PI4KA: variants seen among roughly 807,000 people sequenced by gnomAD.
The protein encoded by PI4KA is phosphatidylinositol 4-kinase alpha.
PI4KA carries 122 observed loss-of-function variants against 271.4 expected under a neutral mutation model. The ratio of observed to expected loss-of-function variants is 0.45; its 90% CI spans 0.39 to 0.52. The LOEUF is 0.52. Among genes scored for constraint, PI4KA ranks in the 20% least tolerant of loss-of-function variants. The pLI is 0.00. For synonymous variants in PI4KA, 1,041 were observed against 1,078.8 expected (o/e 0.96, Z 0.69); for missense variants, 1,969 against 2,769.1 (o/e 0.71, Z 6.48).
chr22:20,765,109 C>T lies in PI4KA; in HGVS notation c.2565G>A (p.Thr855=), dbSNP rs763705980. 5 of 1,612,470 alleles carry T rather than the reference C, an allele frequency of 3.1e-6. No individual in the cohort carries two copies. Among genetic ancestry groups the T allele is most frequent in the African/African-American group, 1.3e-5 (1 of 74,984 alleles). Residue 855 remains threonine (T), a synonymous_variant, in exon 21 of 55, where the codon ACG becomes ACA. Transcript: ENST00000255882. ...LQYNSAMKND[T]VTPAELSELR... is the part of the protein sequence containing the mutation. Reference sequence around the variant, plus strand: ...AGATGTGAATCCTTACGGGGGTGACCGTGTCATTCTTCATGGCTGAGTTAT... The same window carrying T: ...AGATGTGAATCCTTACGGGGGTGACTGTGTCATTCTTCATGGCTGAGTTAT...
At chr22:20,750,733 G>A (rs149855136) in intron 27 of PI4KA, among the ~76,000 whole-genome samples, 1 of 152,344 alleles carries the variant, frequency 6.6e-6, no homozygotes, top group East Asian at 1.9e-4. Context: ...CCAGAGGTAG[G>A]ACATGACTCA....
Position 20,733,245 on chromosome 22 carries a change from C to T in PI4KA, c.4161-147G>A. 5 of 774,472 alleles carry T rather than the reference C, an allele frequency of 6.5e-6. No individual in the cohort carries two copies. In the South Asian group the frequency reaches 8.4e-5, roughly 13 times the overall value. The allele number at this position is 774,472 out of a possible 1,614,324, so 48.0% of individuals were successfully genotyped here. On this transcript the variant is annotated intron_variant, in intron 35 of 54. Coordinates refer to ENST00000255882, the MANE Select transcript of PI4KA (RefSeq NM_058004.4). ...CCAGTCATTAGCAAGGATGATCTGGCCCATTCCCATGGGAAGGTGTGGTGG... is the reference window on the plus strand; with the variant it reads ...CCAGTCATTAGCAAGGATGATCTGGTCCATTCCCATGGGAAGGTGTGGTGG...
intron 1 of PI4KA, among the ~76,000 whole-genome samples, chr22:20,839,358 T>C (rs557004763): frequency 3.3e-5 from 5 of 152,230 alleles, no homozygotes; most frequent in East Asian, 3.9e-4. Flanking sequence ...TCAAAACACA[T>C]AAACTCTGAG....
chr22:20,826,978 C>T (rs1923506211), intron 3 of PI4KA, among the ~76,000 whole-genome samples: 1 of 152,016 alleles, frequency 6.6e-6, no homozygotes, highest in Admixed American at 6.6e-5. Context: ...TATTTTCTTT[C>T]ATTCAGTAGG....
chr22:20,803,348 G>A lies in PI4KA; in HGVS notation c.1462-28C>T, dbSNP rs200497704. 2.2e-4 allele frequency: 351 copies of A among 1,613,188 alleles called. No individual in the cohort carries two copies. The African/African-American group carries it at 2.7e-3, about 12-fold the overall frequency. ...GCAACACACCATCAACCTGTCACAT[G>A]GCCTGTGGTATGGGACCATCTGAGT... On this transcript the variant is annotated intron_variant, in intron 12 of 54. Coordinates refer to ENST00000255882, the MANE Select transcript of PI4KA (RefSeq NM_058004.4).
At chr22:20,765,757 G>C (rs1932466484) in intron 19 of PI4KA, 64 bp from the exon 20 acceptor site, 1 of 1,054,786 alleles carries the variant, frequency 9.5e-7, no homozygotes, top group Admixed American at 1.7e-5. Flanking sequence ...AGCCCTGTAG[G>C]TGTAAAATCA....
intron 7 of PI4KA, 89 bp downstream of exon 7, chr22:20,818,394 G>C: frequency 1.1e-6 from 1 of 902,674 alleles, no homozygotes; most frequent in Non-Finnish European, 1.7e-6. Flanking sequence ...AACAGAGTTA[G>C]TATCAGCATC....
intron 29 of PI4KA, among the ~76,000 whole-genome samples, chr22:20,746,264 G>A (rs113762759): frequency 4.9e-4 from 75 of 151,798 alleles, no homozygotes; most frequent in African/African-American, 1.4e-3. Context: ...GGGTTTCACC[G>A]TGTTGGCCAG....
chr22:20,839,284 G>GT lies in PI4KA; in HGVS notation c.157-554dup, dbSNP rs960756209. 1.4e-3 allele frequency among the ~76,000 whole-genome samples: 217 copies of GT among 152,104 alleles called. 1 individual carries two copies. The highest frequency in any genetic ancestry group is 4.8e-3 in the African/African-American group (200 of 41,496). The stretch of plus-strand genomic sequence containing the variant: ...GAGTCCATGTAACCAATAAGTCATA[G>GT]TTTTTTTTCAGTTAAAAGATCACAG... On this transcript the variant is annotated intron_variant, in intron 1 of 54. Coordinates refer to ENST00000255882, the MANE Select transcript of PI4KA (RefSeq NM_058004.4).
chr22:20,851,143 T>C (rs1466591764), intron 1 of PI4KA, among the ~76,000 whole-genome samples: 2 of 152,056 alleles, frequency 1.3e-5, no homozygotes, highest in East Asian at 3.9e-4. Flanking sequence ...GCAGACGGCT[T>C]GAGCCCTGGA....
chr22:20,819,881 A>G lies in PI4KA; in HGVS notation c.549T>C (p.Ala183=), dbSNP rs1417844543. 1 of 1,613,808 alleles carries G rather than the reference A, an allele frequency of 6.2e-7. No individual in the cohort carries two copies. The highest frequency in any genetic ancestry group is 8.5e-7 in the Non-Finnish European group (1 of 1,179,764). Residue 183 remains alanine (A), a synonymous_variant, in exon 6 of 55, where the codon GCT becomes GCC. Coordinates refer to ENST00000255882, the MANE Select transcript of PI4KA (RefSeq NM_058004.4). ...GCGAGATTCCTATCAGGCATGGGAT[A>G]GCATACTTGCAAAGGTATTCTAGAA... ...IQDKEYLCKY[A]IPCLIGISRA... is the part of the protein sequence containing the mutation.
chr22:20,810,786 T>G (rs1009056751), intron 9 of PI4KA, among the ~76,000 whole-genome samples, 181 bp downstream of exon 9: 20 of 152,156 alleles, frequency 1.3e-4, no homozygotes, highest in African/African-American at 4.6e-4. Flanking sequence ...TAAAAGAGCA[T>G]GCAACGGTAC....
chr22:20,751,683 T>A lies in PI4KA; in HGVS notation c.3060A>T (p.Ser1020=). 1 of 1,613,606 alleles carries A rather than the reference T, an allele frequency of 6.2e-7. No homozygotes were observed. Reference sequence around the variant, plus strand: ...TCCTGGGGACACTCACAGCGCTCAGTGACAGTGACAGGGTCTGCAGGATGT... The same window carrying A: ...TCCTGGGGACACTCACAGCGCTCAGAGACAGTGACAGGGTCTGCAGGATGT... ...MLDILQTLSL[S]LSADIHKDQP... The change falls in exon 26 of 55, where the codon TCA becomes TCT. Residue 1020 remains serine, a synonymous_variant. Coordinates refer to ENST00000255882, the MANE Select transcript of PI4KA (RefSeq NM_058004.4).
rs761015882 is a variant in PI4KA, at chr22:20,810,952, T to G, written c.1071+15A>C. On this transcript the variant is annotated intron_variant, in intron 9 of 54. Transcript: ENST00000255882. ...TCAGGCTGATCTCATGGTAATGCCC[T>G]CAGAAGCGACATACCTCCATCACAC... 6.2e-7 allele frequency: 1 copy of G among 1,601,590 alleles called. No individual in the cohort carries two copies. The highest frequency in any genetic ancestry group is 8.6e-7 in the Non-Finnish European group (1 of 1,168,656).
intron 19 of PI4KA, chr22:20,787,401 A>C: frequency 2.7e-6 from 1 of 370,982 alleles, no homozygotes; most frequent in South Asian, 2.3e-5. Flanking sequence ...TGCACACCTG[A>C]CTCTGTCACT....
chr22:20,819,197 T>G (rs1922249980), intron 6 of PI4KA, among the ~76,000 whole-genome samples: 1 of 152,200 alleles, frequency 6.6e-6, no homozygotes, highest in Admixed American at 6.5e-5. Context: ...AATGAATTTT[T>G]TTTGTGTTTA....
Position 20,707,700 on chromosome 22 carries a change from A to G in PI4KA, c.*347T>C, listed in dbSNP as rs984488351. On this transcript the variant is annotated 3_prime_UTR_variant, in exon 55 of 55. Coordinates refer to ENST00000255882, the MANE Select transcript of PI4KA (RefSeq NM_058004.4). ...CACAAAACCTCACAGATTCCAACAC[A>G]GCACTATTTTGGGTTTTTATTTTGT... is the stretch of plus-strand genomic sequence containing the variant. 48 of 344,592 alleles carry G rather than the reference A, an allele frequency of 1.4e-4. No individual in the cohort carries two copies. The highest frequency in any genetic ancestry group is 9.4e-4 in the Middle Eastern group (1 of 1,064). 21.3% of individuals were successfully genotyped at this position (344,592 alleles called of 1,614,324 possible).
intron 7 of PI4KA, among the ~76,000 whole-genome samples, chr22:20,815,588 G>A (rs1440986525): frequency 6.6e-6 from 1 of 152,114 alleles, no homozygotes; most frequent in African/African-American, 2.4e-5. Flanking sequence ...ACAGCTGGCA[G>A]CACACTGCCA....
intron 7 of PI4KA, among the ~76,000 whole-genome samples, chr22:20,814,118 G>C (rs1419100643): frequency 1.3e-5 from 2 of 152,042 alleles, no homozygotes; most frequent in African/African-American, 2.4e-5. Context: ...CTTTTTAAAG[G>C]TGAAGAGATA....
Sources: allele counts gnomAD v4.1 joint callset (sites outside exome capture counted in the v4.1 genomes callset), GRCh38; gene constraint gnomAD v4.1.1; transcripts MANE v1.5; gene names NCBI Gene and HGNC (gene_info 2026-07-23, HGNC 2026-07-21).